The following INSR variants were observed in gnomAD, a reference collection of about 807,000 sequenced individuals.
INSR encodes the protein insulin receptor, also known as IR.
A neutral mutation model predicts 142.6 loss-of-function variants in INSR; 67 were observed. The observed-to-expected ratio is 0.47, with a 90% CI of 0.39 to 0.58. The LOEUF is 0.58. Among genes scored for constraint, INSR ranks in the 20% least tolerant of loss-of-function variants. The probability of loss-of-function intolerance (pLI) is 0.00; values close to 1 mark genes in which losing one functional copy is unlikely to be tolerated. For synonymous variants in INSR, 756 were observed against 743.1 expected (o/e 1.02, Z -0.28); for missense variants, 1,248 against 1,833.2 (o/e 0.68, Z 5.83).
At chr19:7,268,218 G>A (rs866461450) in intron 1 of INSR, among the ~76,000 whole-genome samples, 1 of 152,164 alleles carries the variant, frequency 6.6e-6, no homozygotes, top group African/African-American at 2.4e-5. Flanking sequence ...TGCAGAAGGA[G>A]AAAGGGGAAC....
At chr19:7,172,206 C>G in intron 5 of INSR, 84 bp downstream of exon 5, 1 of 1,523,302 alleles carries the variant, frequency 6.6e-7, no homozygotes, top group Non-Finnish European at 9.1e-7. Flanking sequence ...GCCACCACAC[C>G]TGGCCAAAAA....
At chr19:7,234,422 G>A (rs1482351262) in intron 2 of INSR, among the ~76,000 whole-genome samples, 5 of 152,104 alleles carry the variant, frequency 3.3e-5, no homozygotes, top group Admixed American at 6.6e-5. Context: ...TGCCCAGGCT[G>A]GTCTTGAAGT....
rs552940485 is a variant in INSR, at chr19:7,248,754, ATTTTTT to A, written c.652+18585_652+18590del. Among the ~76,000 whole-genome samples the A allele has an allele frequency of 9.3e-5, 9 of 97,290 alleles. 1 individual carries two copies. Among genetic ancestry groups the A allele is most frequent in the African/African-American group, 4.1e-4 (9 of 22,108 alleles). 63.8% of individuals were successfully genotyped at this position (97,290 alleles called of 152,430 possible). ...CCTGGACTATTCCCGGTTGGCCAGA[ATTTTTT>A]TTTTTTTTTTTTTTTGAGACGGAGT... On this transcript the variant is annotated intron_variant, in intron 2 of 21. Coordinates refer to ENST00000302850, the MANE Select transcript of INSR (RefSeq NM_000208.4).
chr19:7,229,682 C>A (rs998764193), intron 2 of INSR, among the ~76,000 whole-genome samples: 13 of 150,450 alleles, frequency 8.6e-5, no homozygotes, highest in African/African-American at 3.2e-4. Context: ...AGTTTTTAAA[C>A]TTTTGGAAGC....
chr19:7,127,100 G>A (rs1436327114), intron 15 of INSR, among the ~76,000 whole-genome samples: 1 of 152,122 alleles, frequency 6.6e-6, no homozygotes, highest in Admixed American at 6.6e-5. Context: ...GTCTCACTAT[G>A]TTGCCCAGGC....
In INSR at chr19:7,170,463, C is replaced by A. The variant is rs566285477; in HGVS notation, c.1483+74G>T. 2.0e-5 allele frequency: 22 copies of A among 1,099,052 alleles called. No individual in the cohort carries two copies. In the African/African-American group the frequency reaches 3.4e-4, roughly 17 times the overall value. 68.1% of individuals were successfully genotyped at this position (1,099,052 alleles called of 1,614,324 possible). A position where few individuals can be genotyped will look rare whatever the true frequency, so the allele number is the denominator to read the frequency against. On this transcript the variant is annotated intron_variant, in intron 6 of 21. Coordinates refer to ENST00000302850, the MANE Select transcript of INSR (RefSeq NM_000208.4). ...TCATGCTGAAACCATCCCCACCCAC[C>A]ACCAGTCCATGGAAAAACCATCTTC... is the stretch of plus-strand genomic sequence containing the variant.
At chr19:7,264,226 G>C (rs903773853) in intron 2 of INSR, among the ~76,000 whole-genome samples, 2 of 151,874 alleles carry the variant, frequency 1.3e-5, no homozygotes, top group Non-Finnish European at 2.9e-5. Context: ...CCAGCTACTT[G>C]GGAGGCTGAG....
At chr19:7,189,624 C>G (rs897507446) in intron 2 of INSR, among the ~76,000 whole-genome samples, 2 of 151,938 alleles carry the variant, frequency 1.3e-5, no homozygotes, top group African/African-American at 4.8e-5. Context: ...GTTTATCAAC[C>G]TGCACTAGTT....
intron 4 of INSR, among the ~76,000 whole-genome samples, chr19:7,173,599 C>G (rs1290045127): frequency 6.9e-6 from 1 of 145,812 alleles, no homozygotes; most frequent in Non-Finnish European, 1.5e-5. Flanking sequence ...CAGGCATGAG[C>G]CACAGCGCCT....
Position 7,216,999 on chromosome 19 carries a change from CT to C in INSR, c.653-32363del, listed in dbSNP as rs911015165. On this transcript the variant is annotated intron_variant, in intron 2 of 21. Coordinates refer to ENST00000302850, the MANE Select transcript of INSR (RefSeq NM_000208.4). This position sits in a 1 kb window ranked among gnomAD's most constrained non-coding sequence, Gnocchi z 4.2. ...GCTAATTTTTCTTCTTCTTCTTCTT[CT>C]TTTTTTTTTTTTTGTAGAGATGGGG... 1.7e-3 allele frequency among the ~76,000 whole-genome samples: 29 copies of C among 16,776 alleles called. No homozygotes were observed. Among genetic ancestry groups the C allele is most frequent in the Admixed American group, 5.6e-3 (8 of 1,420 alleles). The allele number at this position is 16,776 out of a possible 152,430, so 11.0% of individuals were successfully genotyped here. A position where few individuals can be genotyped will look rare whatever the true frequency, so the allele number is the denominator to read the frequency against.
In INSR at chr19:7,267,964, A is replaced by G; in HGVS notation, c.101-68T>C. 2.2e-6 allele frequency: 3 copies of G among 1,359,732 alleles called. No homozygotes were observed. The highest frequency in any genetic ancestry group is 2.5e-5 in the South Asian group (2 of 81,400). 84.2% of individuals were successfully genotyped at this position (1,359,732 alleles called of 1,614,324 possible). ...GCACGGTGGATGCATCAGAAGGATC[A>G]GGGGCAGAGCCGGCTTCATGGACAG... On this transcript the variant is annotated intron_variant, in intron 1 of 21. Coordinates refer to ENST00000302850, the MANE Select transcript of INSR (RefSeq NM_000208.4). This position sits in a 1 kb window ranked among gnomAD's most constrained non-coding sequence, Gnocchi z 6.3.
chr19:7,246,498 G>A (rs1380856460), intron 2 of INSR, among the ~76,000 whole-genome samples: 1 of 151,390 alleles, frequency 6.6e-6, no homozygotes, highest in Non-Finnish European at 1.5e-5. Flanking sequence ...TCCCAGACAT[G>A]AGAGAGAAAA....
chr19:7,153,174 AC>A, intron 9 of INSR, among the ~76,000 whole-genome samples: 1 of 53,646 alleles, frequency 1.9e-5, no homozygotes, highest in African/African-American at 5.5e-5. Flanking sequence ...TACACACACC[AC>A]AAACACACAA....
At position 7,125,967 on chromosome 19, in the gene INSR, C is replaced by T. The variant is rs1342036285; in HGVS notation, c.3014-440G>A. ...AAAGGTGGAGTCTATCTCACCACCC[C>T]TTGGCCCTGGGCATGGCCTTGTGAG... is the stretch of plus-strand genomic sequence containing the variant. On this transcript the variant is annotated intron_variant, in intron 16 of 21. Transcript: ENST00000302850. This position sits in a 1 kb window ranked among gnomAD's most constrained non-coding sequence, Gnocchi z 4.9. Among the ~76,000 whole-genome samples, 3 of 152,168 alleles carry T rather than the reference C, an allele frequency of 2.0e-5. No homozygotes were observed. The highest frequency in any genetic ancestry group is 4.4e-5 in the Non-Finnish European group (3 of 68,024).
chr19:7,198,382 G>T (rs1974853015), intron 2 of INSR, among the ~76,000 whole-genome samples: 1 of 152,114 alleles, frequency 6.6e-6, no homozygotes, highest in South Asian at 2.1e-4. Flanking sequence ...TGCAGACCCC[G>T]CAGGTCGAGT....
In INSR at chr19:7,117,269, G is replaced by A. The variant is rs1300320682; in HGVS notation, c.3936C>T (p.Pro1312=). Residue 1312 remains proline, a synonymous_variant, in exon 22 of 22, where the codon CCC becomes CCT. Transcript: ENST00000302850. ...SFFHSEENKA[P]ESEELEMEFE... The stretch of plus-strand genomic sequence containing the variant: ...ACTCCATCTCCAGCTCCTCACTCTC[G>A]GGAGCCTTGTTCTCCTCGCTGTGGA... 25 of 1,613,982 alleles carry A rather than the reference G, an allele frequency of 1.5e-5. No homozygotes were observed. The highest frequency in any genetic ancestry group is 4.5e-5 in the East Asian group (2 of 44,898).
rs1454797118 is a variant in INSR, at chr19:7,293,992, G to A, written c.-101C>T. The A allele has an allele frequency of 1.3e-5, 14 of 1,108,522 alleles. No individual in the cohort carries two copies. In the South Asian group the frequency reaches 3.6e-4, roughly 28 times the overall value. The allele number at this position is 1,108,522 out of a possible 1,614,324, so 68.7% of individuals were successfully genotyped here. A position where few individuals can be genotyped will look rare whatever the true frequency, so the allele number is the denominator to read the frequency against. On this transcript the variant is annotated 5_prime_UTR_variant, in exon 1 of 22. In the 5' UTR this introduces an upstream ATG that the reference lacks. Transcript: ENST00000302850. ...ACCCAAGAGGCGCTGGGGGCCGCGCGTCCTTCTCTTCCACGCCCGCGACCC... is the reference window on the plus strand; with the variant it reads ...ACCCAAGAGGCGCTGGGGGCCGCGCATCCTTCTCTTCCACGCCCGCGACCC...
chr19:7,144,769 C>G (rs759135224), intron 11 of INSR, among the ~76,000 whole-genome samples: 1 of 151,466 alleles, frequency 6.6e-6, no homozygotes, highest in African/African-American at 2.4e-5. Context: ...TATTACTTCC[C>G]CAAAGTAGAT....
intron 2 of INSR, 21 bp from the exon 3 acceptor site, chr19:7,184,658 AG>A: frequency 2.2e-6 from 3 of 1,361,856 alleles, no homozygotes; most frequent in East Asian, 4.9e-5. Flanking sequence ...AGAGAGAGAG[AG>A]AGGGAAATAA....
Sources: allele counts gnomAD v4.1 joint callset (sites outside exome capture counted in the v4.1 genomes callset), GRCh38; gene constraint gnomAD v4.1.1; non-coding constraint Gnocchi (gnomAD v3.1); transcripts MANE v1.5; gene names NCBI Gene and HGNC (gene_info 2026-07-23, HGNC 2026-07-21).